The following RIMS2 variants were observed in gnomAD, a reference collection of about 807,000 sequenced individuals.
RIMS2 encodes regulating synaptic membrane exocytosis protein 2.
A neutral mutation model predicts 174.4 loss-of-function variants in RIMS2; 59 were observed. The observed-to-expected ratio is 0.34, with a 90% CI of 0.27 to 0.42. RIMS2 has a LOEUF of 0.42. RIMS2 is among the 10% of genes least tolerant of loss of function. The probability of loss-of-function intolerance (pLI) is 1.00; values close to 1 mark genes in which losing one functional copy is unlikely to be tolerated. For missense variants in RIMS2, 1,620 were observed against 1,666.3 expected, an observed-to-expected ratio of 0.97 and a Z score of 0.48; for synonymous variants, 606 against 572.5, an observed-to-expected ratio of 1.06 and a Z score of -0.84.
intron 3 of RIMS2, among the ~76,000 whole-genome samples, chr8:103,862,773 G>A (rs915588078): frequency 6.6e-6 from 1 of 151,918 alleles, no homozygotes; most frequent in African/African-American, 2.4e-5. Flanking sequence ...TCAGCTTGAG[G>A]TGATAATTTG....
At chr8:103,885,691 T>C (rs749252252) in exon 4 of RIMS2, 134 of 1,612,980 alleles carry the variant, frequency 8.3e-5, no homozygotes, top group Non-Finnish European at 1.1e-4. Flanking sequence ...GAGCACGGCA[T>C]GAGAGAAGGC....
chr8:103,835,108 T>C (rs1193378475), intron 3 of RIMS2, among the ~76,000 whole-genome samples: 41 of 147,150 alleles, frequency 2.8e-4, no homozygotes, highest in Middle Eastern at 3.8e-3. Flanking sequence ...CTTTTCTTTT[T>C]TTTTTTTTTT....
chr8:104,148,306 A>G (rs1273069208), intron 19 of RIMS2, among the ~76,000 whole-genome samples: 2 of 152,068 alleles, frequency 1.3e-5, no homozygotes, highest in African/African-American at 4.8e-5. Flanking sequence ...GCAGGACAGC[A>G]TAGTGTCTTA....
intron 19 of RIMS2, among the ~76,000 whole-genome samples, chr8:104,194,604 C>A (rs2099014671): frequency 6.6e-6 from 1 of 152,084 alleles, no homozygotes; most frequent in African/African-American, 2.4e-5. Context: ...TCTTGACCAT[C>A]TAGTACATGG....
At chr8:103,706,420 G>A (rs2097227196) in intron 2 of RIMS2, among the ~76,000 whole-genome samples, 2 of 151,782 alleles carry the variant, frequency 1.3e-5, no homozygotes. Context: ...GATTTTTTTG[G>A]ATGATTGTTT....
At chr8:103,759,715 A>T (rs2098087314) in intron 2 of RIMS2, among the ~76,000 whole-genome samples, 1 of 152,174 alleles carries the variant, frequency 6.6e-6, no homozygotes, top group South Asian at 2.1e-4. Flanking sequence ...GGATGAGATG[A>T]CTTTGCAGAA....
intron 19 of RIMS2, among the ~76,000 whole-genome samples, chr8:104,101,124 A>G (rs2097889158): frequency 7.6e-6 from 1 of 131,762 alleles, no homozygotes; most frequent in African/African-American, 2.9e-5. Context: ...TATGTAATAT[A>G]TATTTTACAT....
At chr8:103,665,116 G>C (rs1564206506) in intron 1 of RIMS2, among the ~76,000 whole-genome samples, 1 of 152,182 alleles carries the variant, frequency 6.6e-6, no homozygotes, top group Non-Finnish European at 1.5e-5. Flanking sequence ...TCACATACCA[G>C]GGCCTGTCTG....
At chr8:104,247,726 G>A (rs1346454687) in intron 20 of RIMS2, among the ~76,000 whole-genome samples, 1 of 152,142 alleles carries the variant, frequency 6.6e-6, no homozygotes, top group Non-Finnish European at 1.5e-5. Flanking sequence ...CATGGAGAGA[G>A]TCAGTTTTAG....
chr8:103,634,216 G>T (rs868373277), intron 1 of RIMS2, among the ~76,000 whole-genome samples: 1 of 152,142 alleles, frequency 6.6e-6, no homozygotes, highest in Admixed American at 6.5e-5. Context: ...CTGGTAAGTT[G>T]TATCTTTGTT....
intron 19 of RIMS2, among the ~76,000 whole-genome samples, chr8:104,032,421 C>G (rs1414944621): frequency 6.6e-6 from 1 of 151,982 alleles, no homozygotes; most frequent in East Asian, 1.9e-4. Context: ...GGAGGTTACA[C>G]ATTTTTTTGT....
rs1418701873 is a variant in RIMS2 at position 103,639,097 on chromosome 8, T to G, written c.177-57989T>G. ...TAGAATAGTTTCACAAATGCTAACT[T>G]GTATAGTATGGAAACAAACTTACCA... On this transcript the variant is annotated intron_variant, in intron 1 of 23. Transcript: ENST00000504942. 2.0e-5 allele frequency among the ~76,000 whole-genome samples: 3 copies of G among 151,976 alleles called. No individual in the cohort carries two copies. In the East Asian group the frequency reaches 5.8e-4, roughly 29 times the overall value.
At position 104,251,642 on chromosome 8, in the gene RIMS2, C is replaced by A. The variant is rs61997186; in HGVS notation, c.3872C>A (p.Ser1291Tyr). ...GATTATGGCCGCATGGATCACAAAT[C>A]TTTTATGGGAGTGGCCCAGATACTT... The change falls in exon 24 of 24, where the codon TCT becomes TAT. Residue 1291 changes from serine to tyrosine, a missense_variant. This residue lies in a region of RIMS2 where 225 missense variants were observed against 306.2 expected (regional missense o/e 0.73). Transcript: ENST00000504942. 942 of 1,610,748 alleles carry A rather than the reference C, an allele frequency of 5.8e-4. 7 individuals are homozygous for A. In the African/African-American group the frequency reaches 0.011, roughly 19 times the overall value.
At chr8:103,901,599 A>G (rs2073134608) in intron 4 of RIMS2, among the ~76,000 whole-genome samples, 1 of 152,102 alleles carries the variant, frequency 6.6e-6, no homozygotes, top group Non-Finnish European at 1.5e-5. Context: ...TTAAGCTCCT[A>G]TTTGTACCTG....
intron 19 of RIMS2, among the ~76,000 whole-genome samples, chr8:104,079,746 G>T (rs1285140916): frequency 6.7e-6 from 1 of 150,136 alleles, no homozygotes; most frequent in Non-Finnish European, 1.5e-5. Context: ...TTTTATATGT[G>T]GAATATTTAT....
intron 19 of RIMS2, among the ~76,000 whole-genome samples, chr8:104,047,178 A>G (rs182781537): frequency 1.0e-3 from 156 of 152,030 alleles, no homozygotes; most frequent in African/African-American, 3.5e-3. Context: ...TAAGTCATTT[A>G]AAATGAGGTT....
chr8:103,696,590 G>T (rs2097103394), intron 1 of RIMS2, among the ~76,000 whole-genome samples: 1 of 151,944 alleles, frequency 6.6e-6, no homozygotes, highest in South Asian at 2.1e-4. Context: ...GTAGAGACTG[G>T]GTATGGTGGC....
At chr8:104,099,334 A>G (rs1045765631) in intron 19 of RIMS2, among the ~76,000 whole-genome samples, 3 of 152,154 alleles carry the variant, frequency 2.0e-5, no homozygotes, top group Non-Finnish European at 4.4e-5. Context: ...GTGCTCCTCC[A>G]CCAAGTATTA....
At chr8:103,630,602 G>C (rs904275254) in intron 1 of RIMS2, among the ~76,000 whole-genome samples, 2 of 112,188 alleles carry the variant, frequency 1.8e-5, no homozygotes, top group East Asian at 5.0e-4. Flanking sequence ...AAAAAAAAAA[G>C]AAACAAAGAT....
Sources: allele counts gnomAD v4.1 joint callset (sites outside exome capture counted in the v4.1 genomes callset), GRCh38; gene constraint gnomAD v4.1.1; regional missense constraint gnomAD v4.1.1; transcripts MANE v1.5; gene names NCBI Gene and HGNC (gene_info 2026-07-23, HGNC 2026-07-21).